The following OR3A2 variants were observed in gnomAD, a reference collection of about 807,000 sequenced individuals.
The protein encoded by OR3A2 is olfactory receptor 3A2.
For synonymous variants in OR3A2, 126 were observed against 159.3 expected, an observed-to-expected ratio of 0.79 and a Z score of 1.57; for missense variants, 318 against 392.8, an observed-to-expected ratio of 0.81 and a Z score of 1.61.
intron 2 of OR3A2, among the ~76,000 whole-genome samples, chr17:3,361,030 T>C (rs1166560386): frequency 6.6e-6 from 1 of 151,558 alleles, no homozygotes; most frequent in East Asian, 1.9e-4. Context: ...TTTCACGATA[T>C]TGATTCTTCC....
At chr17:3,324,545 T>G (rs1839993248) in intron 3 of OR3A2, among the ~76,000 whole-genome samples, 1 of 152,106 alleles carries the variant, frequency 6.6e-6, no homozygotes, top group Middle Eastern at 3.2e-3. Flanking sequence ...TTGGTGCGGA[T>G]GTCCTTCCTG....
At chr17:3,374,761 C>A (rs941368280) in intron 2 of OR3A2, among the ~76,000 whole-genome samples, 1 of 152,076 alleles carries the variant, frequency 6.6e-6, no homozygotes, top group Non-Finnish European at 1.5e-5. Context: ...TTTCATCTCA[C>A]GAATAAGTTC....
chr17:3,326,301 T>C (rs2150638810), intron 3 of OR3A2, among the ~76,000 whole-genome samples: 1 of 152,218 alleles, frequency 6.6e-6, no homozygotes, highest in Middle Eastern at 3.4e-3. Flanking sequence ...TTTGGGTTTA[T>C]ACCCAGTAAT....
intron 2 of OR3A2, among the ~76,000 whole-genome samples, chr17:3,352,169 G>T (rs2049425123): frequency 6.6e-6 from 1 of 151,902 alleles, no homozygotes; most frequent in Non-Finnish European, 1.5e-5. Flanking sequence ...TGCCAGATGG[G>T]TAGTTTGCAA....
chr17:3,346,960 C>G (rs1395133566), intron 2 of OR3A2, among the ~76,000 whole-genome samples: 3 of 152,150 alleles, frequency 2.0e-5, no homozygotes, highest in African/African-American at 7.2e-5. Flanking sequence ...TAGGTTGCCT[C>G]CCAAAGCTTG....
intron 2 of OR3A2, among the ~76,000 whole-genome samples, chr17:3,361,673 T>G (rs554371445): frequency 9.9e-5 from 15 of 151,890 alleles, no homozygotes; most frequent in African/African-American, 3.6e-4. Flanking sequence ...ATTGAGATAA[T>G]CATGTGGTTT....
At chr17:3,331,409 C>A (rs1436684073) in intron 3 of OR3A2, among the ~76,000 whole-genome samples, 1 of 151,072 alleles carries the variant, frequency 6.6e-6, no homozygotes, top group Non-Finnish European at 1.5e-5. Context: ...AGGCTTTGCT[C>A]ATTTCTTTTT....
chr17:3,348,720 C>T (rs1284859402), intron 2 of OR3A2, among the ~76,000 whole-genome samples: 1 of 151,942 alleles, frequency 6.6e-6, no homozygotes, highest in Non-Finnish European at 1.5e-5. Flanking sequence ...CTCCAAAATA[C>T]ATAATTGTCA....
chr17:3,306,969 G>A (rs909278829), intron 3 of OR3A2, among the ~76,000 whole-genome samples: 2 of 152,182 alleles, frequency 1.3e-5, no homozygotes, highest in South Asian at 2.1e-4. Context: ...ATTTACACAC[G>A]CACGCGTGCT....
chr17:3,359,420 C>T (rs1249562425), intron 2 of OR3A2, among the ~76,000 whole-genome samples: 1 of 151,522 alleles, frequency 6.6e-6, no homozygotes, highest in African/African-American at 2.4e-5. Flanking sequence ...GTAGTCTTTC[C>T]TTTCTATATT....
intron 3 of OR3A2, among the ~76,000 whole-genome samples, chr17:3,295,453 C>A (rs1191741710): frequency 1.3e-5 from 2 of 151,880 alleles, no homozygotes; most frequent in East Asian, 3.8e-4. Context: ...ATAAAAGTAA[C>A]CCTAGAAAAA....
At chr17:3,341,371 C>CA (rs2049317020) in intron 2 of OR3A2, among the ~76,000 whole-genome samples, 1 of 152,212 alleles carries the variant, frequency 6.6e-6, no homozygotes. Flanking sequence ...ATGGTCTTTA[C>CA]AATTTGGCAT....
intron 3 of OR3A2, among the ~76,000 whole-genome samples, chr17:3,322,464 A>G (rs1326260093): frequency 6.6e-6 from 1 of 152,062 alleles, no homozygotes; most frequent in African/African-American, 2.4e-5. Flanking sequence ...TTGTGATGTT[A>G]GGGCATCAAT....
At chr17:3,288,568 C>T (rs1342642890), upstream of OR3A2, among the ~76,000 whole-genome samples, 1 of 152,124 alleles carries the variant, frequency 6.6e-6, no homozygotes, top group Admixed American at 6.5e-5. Context: ...AAAATGTGTT[C>T]AACCACACCC....
At chr17:3,313,410 C>A (rs2049059480) in intron 3 of OR3A2, among the ~76,000 whole-genome samples, 1 of 152,224 alleles carries the variant, frequency 6.6e-6, no homozygotes, top group African/African-American at 2.4e-5. Flanking sequence ...AGCTGCCTCC[C>A]AGCTGGGACC....
Position 3,323,900 on chromosome 17 carries a change from G to A in OR3A2, c.-85+12133C>T, listed in dbSNP as rs530625899. ...TCTGTATTTCCTGAATTTGAATGTC[G>A]GCCTGCCTTGCTAGATGGGGGAAGT... On this transcript the variant is annotated intron_variant, in intron 3 of 4. Transcript: ENST00000573491. 5.7e-4 allele frequency among the ~76,000 whole-genome samples: 87 copies of A among 151,966 alleles called. 1 individual carries two copies. The highest frequency in any genetic ancestry group is 1.9e-3 in the African/African-American group (78 of 41,372).
chr17:3,323,651 A>T (rs930548250), intron 3 of OR3A2, among the ~76,000 whole-genome samples: 7 of 152,104 alleles, frequency 4.6e-5, no homozygotes, highest in South Asian at 2.1e-4. Context: ...TTCTGGGTTG[A>T]AAATTCTTTT....
At chr17:3,300,659 T>C (rs541158754) in intron 3 of OR3A2, among the ~76,000 whole-genome samples, 1 of 151,850 alleles carries the variant, frequency 6.6e-6, no homozygotes, top group African/African-American at 2.4e-5. Flanking sequence ...ATATCAAGTT[T>C]TGATGAAAAT....
chr17:3,289,503 G>GAAAT (rs2048845291), intron 3 of OR3A2, among the ~76,000 whole-genome samples: 1 of 152,244 alleles, frequency 6.6e-6, no homozygotes, highest in Non-Finnish European at 1.5e-5. Flanking sequence ...GCCAGCTGAA[G>GAAAT]AAATGCCAGA....
Sources: gnomAD v4.1 joint callset for allele counts (sites outside exome capture counted in the v4.1 genomes callset) on GRCh38, gnomAD v4.1.1 for gene constraint, MANE v1.5 for transcripts, NCBI Gene and HGNC (gene_info 2026-07-23, HGNC 2026-07-21) for gene names.